Variants in PAG1 observed in about 807,000 individuals in gnomAD.
PAG1 encodes the protein phosphoprotein associated with glycosphingolipid-enriched microdomains 1.
Under a neutral mutation model 31.7 loss-of-function variants are expected in PAG1, and 23 were observed. That is an observed-to-expected ratio of 0.73 (90% CI 0.52 to 1.03). The LOEUF (loss-of-function observed/expected upper bound fraction) is 1.03. Ranked by LOEUF, PAG1 falls within the 50% of genes least tolerant of loss-of-function variation. The pLI is 0.00. For missense variants in PAG1, 473 were observed against 540.7 expected (o/e 0.87, Z 1.24); for synonymous variants, 214 against 210.3 (o/e 1.02, Z -0.15).
chr8:81,024,421 T>C (rs1004189271), intron 3 of PAG1, among the ~76,000 whole-genome samples: 2 of 152,174 alleles, frequency 1.3e-5, no homozygotes, highest in Non-Finnish European at 2.9e-5. Context: ...ATGGAGAGAA[T>C]ACTCCGGAGT....
intron 1 of PAG1, among the ~76,000 whole-genome samples, chr8:81,107,634 G>A (rs958997731): frequency 6.6e-6 from 1 of 152,180 alleles, no homozygotes; most frequent in Non-Finnish European, 1.5e-5. Context: ...TCTTAACATG[G>A]CAGCCAACAC....
At chr8:81,001,709 G>A (rs58187678) in intron 3 of PAG1, among the ~76,000 whole-genome samples, 1,726 of 152,208 alleles carry the variant, frequency 0.011, 20 homozygotes, top group African/African-American at 0.04. Flanking sequence ...GACCCTTTGC[G>A]GTAGATGTTA....
chr8:81,075,094 G>T (rs1460438364), intron 1 of PAG1, among the ~76,000 whole-genome samples: 1 of 152,162 alleles, frequency 6.6e-6, no homozygotes, highest in East Asian at 1.9e-4. Flanking sequence ...ACTCTCGTTT[G>T]CCAGAGAGAA....
chr8:81,073,972 C>A (rs1809134897), intron 1 of PAG1, among the ~76,000 whole-genome samples: 2 of 152,094 alleles, frequency 1.3e-5, no homozygotes, highest in Non-Finnish European at 2.9e-5. Context: ...CTTGGGCACC[C>A]CTCAGAGAGC....
At chr8:81,072,577 A>G (rs965440594) in intron 1 of PAG1, among the ~76,000 whole-genome samples, 7 of 152,178 alleles carry the variant, frequency 4.6e-5, no homozygotes, top group African/African-American at 1.7e-4. Context: ...AGTGGCTCAC[A>G]CCTATAATCC....
chr8:81,049,398 GA>G, intron 2 of PAG1, among the ~76,000 whole-genome samples: 1 of 152,250 alleles, frequency 6.6e-6, no homozygotes, highest in South Asian at 2.1e-4. Context: ...CAATGCTGCA[GA>G]AAAATAATGA....
chr8:80,978,574 T>C (rs890825427), intron 8 of PAG1, among the ~76,000 whole-genome samples: 20 of 152,190 alleles, frequency 1.3e-4, no homozygotes, highest in African/African-American at 4.3e-4. Flanking sequence ...CACCGTTAGC[T>C]TCTCTCCTCA....
intron 3 of PAG1, among the ~76,000 whole-genome samples, chr8:81,008,063 T>G (rs1807917261): frequency 6.9e-6 from 1 of 144,632 alleles, no homozygotes. Flanking sequence ...AGTTAGTATG[T>G]ATCATTTTGT....
chr8:81,078,651 C>T (rs937445037), intron 1 of PAG1, among the ~76,000 whole-genome samples: 12 of 152,104 alleles, frequency 7.9e-5, no homozygotes, highest in Non-Finnish European at 1.5e-4. Context: ...CTCCTGACTC[C>T]ATACACTAAG....
intron 2 of PAG1, among the ~76,000 whole-genome samples, chr8:81,060,301 G>GT (rs944205526): frequency 1.3e-5 from 2 of 152,162 alleles, no homozygotes; most frequent in Non-Finnish European, 2.9e-5. Context: ...TCTGAAATGT[G>GT]TAACTATTAA....
chr8:81,106,858 C>T (rs1293133722), intron 1 of PAG1, among the ~76,000 whole-genome samples: 2 of 152,144 alleles, frequency 1.3e-5, no homozygotes, highest in Non-Finnish European at 2.9e-5. Flanking sequence ...TAAGATAACA[C>T]GTTTAAGCCT....
intron 2 of PAG1, among the ~76,000 whole-genome samples, chr8:81,038,972 A>G (rs185993039): frequency 6.6e-6 from 1 of 152,322 alleles, no homozygotes; most frequent in Non-Finnish European, 1.5e-5. Context: ...ACATGAACTA[A>G]TGTATGTTTA....
chr8:81,074,526 G>A (rs998882220), intron 1 of PAG1, among the ~76,000 whole-genome samples: 1 of 152,178 alleles, frequency 6.6e-6, no homozygotes, highest in African/African-American at 2.4e-5. Context: ...AAGACAGAAG[G>A]TGGTGATCAG....
At chr8:81,033,007 T>C (rs1262138580) in intron 2 of PAG1, among the ~76,000 whole-genome samples, 2 of 152,102 alleles carry the variant, frequency 1.3e-5, no homozygotes, top group African/African-American at 2.4e-5. Context: ...ATGTCCAAAA[T>C]AGGCAAATAC....
chr8:81,060,474 T>C lies in PAG1; in HGVS notation c.-175+9638A>G, dbSNP rs1563646838. 2.6e-5 allele frequency among the ~76,000 whole-genome samples: 4 copies of C among 152,340 alleles called. No individual in the cohort carries two copies. In the South Asian group the frequency reaches 6.2e-4, roughly 24 times the overall value. On this transcript the variant is annotated intron_variant, in intron 2 of 8. Coordinates refer to ENST00000220597, the MANE Select transcript of PAG1 (RefSeq NM_018440.4). The stretch of plus-strand genomic sequence containing the variant: ...AGGACTGAGAATTCCTGCTATTCCA[T>C]TCACAGGCAATAATCCATTCTTTTA...
chr8:81,056,516 T>C (rs1275535942), intron 2 of PAG1, among the ~76,000 whole-genome samples: 1 of 152,104 alleles, frequency 6.6e-6, no homozygotes, highest in Non-Finnish European at 1.5e-5. Context: ...TGGCTAGCCA[T>C]ATGTAGAAAG....
intron 2 of PAG1, among the ~76,000 whole-genome samples, chr8:81,049,509 T>C (rs577870349): frequency 6.6e-6 from 1 of 152,146 alleles, no homozygotes; most frequent in South Asian, 2.1e-4. Context: ...AAATATAGGG[T>C]TTAAAAAATG....
At chr8:80,979,554 G>A (rs1414453328) in intron 8 of PAG1, among the ~76,000 whole-genome samples, 3 of 152,198 alleles carry the variant, frequency 2.0e-5, no homozygotes, top group Admixed American at 2.0e-4. Flanking sequence ...ATGGACGAGG[G>A]TGGGCAATAT....
At chr8:81,028,386 T>C (rs1563635003) in intron 3 of PAG1, among the ~76,000 whole-genome samples, 2 of 152,364 alleles carry the variant, frequency 1.3e-5, no homozygotes, top group South Asian at 4.1e-4. Flanking sequence ...TACACTTGCT[T>C]CTGTGAACCA....
Sources: allele counts gnomAD v4.1 joint callset (sites outside exome capture counted in the v4.1 genomes callset), GRCh38; gene constraint gnomAD v4.1.1; transcripts MANE v1.5; gene names NCBI Gene and HGNC (gene_info 2026-07-23, HGNC 2026-07-21).